The following MGAT4C variants were observed in gnomAD, a reference collection of about 807,000 sequenced individuals.
MGAT4C encodes the protein alpha-1,3-mannosyl-glycoprotein 4-beta-N-acetylglucosaminyltransferase C.
A neutral mutation model predicts 40.1 loss-of-function variants in MGAT4C; 19 were observed. The ratio of observed to expected loss-of-function variants is 0.47; its 90% CI spans 0.33 to 0.70. MGAT4C has a LOEUF of 0.70. MGAT4C is among the 30% of genes least tolerant of loss of function. The pLI is 0.02. For synonymous variants in MGAT4C, 181 were observed against 187.1 expected (o/e 0.97, Z 0.27); for missense variants, 491 against 563.2 (o/e 0.87, Z 1.30).
At chr12:86,126,910 G>A (rs1224587732) in intron 1 of MGAT4C, among the ~76,000 whole-genome samples, 2 of 152,120 alleles carry the variant, frequency 1.3e-5, no homozygotes, top group Non-Finnish European at 2.9e-5. Flanking sequence ...ATAAAGCGGG[G>A]ATGGTTTCAG....
intron 2 of MGAT4C, among the ~76,000 whole-genome samples, chr12:86,508,914 T>G (rs1958520858): frequency 6.6e-6 from 1 of 151,120 alleles, no homozygotes; most frequent in South Asian, 2.1e-4. Flanking sequence ...TTGTTTGTTT[T>G]TTTCTTGTAA....
chr12:86,364,696 A>G (rs1955554495), intron 3 of MGAT4C, among the ~76,000 whole-genome samples: 1 of 152,120 alleles, frequency 6.6e-6, no homozygotes, highest in Admixed American at 6.5e-5. Flanking sequence ...GAAATTTTAA[A>G]GCTGGGTGTC....
intron 1 of MGAT4C, among the ~76,000 whole-genome samples, chr12:86,205,574 T>A (rs1950219003): frequency 6.6e-6 from 1 of 151,842 alleles, no homozygotes; most frequent in South Asian, 2.1e-4. Context: ...GCTAACAGAT[T>A]TTTAAATATT....
intron 2 of MGAT4C, among the ~76,000 whole-genome samples, chr12:86,492,988 A>T (rs10776979): frequency 0.65 from 98,658 of 150,664 alleles, 33,088 homozygotes; most frequent in South Asian, 0.79. Flanking sequence ...TGGGTGAAGG[A>T]CATGAACAGA....
intron 1 of MGAT4C, among the ~76,000 whole-genome samples, chr12:86,736,693 T>C (rs1243395202): frequency 6.6e-6 from 1 of 151,798 alleles, no homozygotes; most frequent in Admixed American, 6.6e-5. Context: ...TTCTGTACTA[T>C]GTCCTCTTGC....
At chr12:86,435,165 A>G (rs946925670) in exon 3 of MGAT4C, 12 of 152,002 alleles carry the variant, frequency 7.9e-5, no homozygotes, top group African/African-American at 2.9e-4. Flanking sequence ...ACCAGAGTGG[A>G]TAAAGCTTCA....
chr12:85,962,359 A>C lies in MGAT4C; in HGVS notation c.*16930T>G, dbSNP rs1316071845. 6.6e-6 allele frequency: 1 copy of C among 150,410 alleles called. No individual in the cohort carries two copies. The highest frequency in any genetic ancestry group is 6.6e-5 in the Admixed American group (1 of 15,048). 9.3% of individuals were successfully genotyped at this position (150,410 alleles called of 1,614,324 possible). A position where few individuals can be genotyped will look rare whatever the true frequency, so the allele number is the denominator to read the frequency against. The stretch of plus-strand genomic sequence containing the variant: ...TTTTGATTCAAATGTCTAAAGGCTA[A>C]ACCAGAGCAATTTACAACATCCAAT... On this transcript the variant is annotated 3_prime_UTR_variant, in exon 5 of 5. Transcript: ENST00000611864.
At chr12:86,055,522 C>T (rs1893298202) in intron 1 of MGAT4C, among the ~76,000 whole-genome samples, 1 of 151,958 alleles carries the variant, frequency 6.6e-6, no homozygotes, top group Admixed American at 6.6e-5. Flanking sequence ...GATGATGGAG[C>T]TTAGAATGAC....
At chr12:86,611,727 T>A (rs529121105) in intron 2 of MGAT4C, among the ~76,000 whole-genome samples, 25 of 152,322 alleles carry the variant, frequency 1.6e-4, no homozygotes, top group Non-Finnish European at 2.9e-4. Context: ...AATCTTTTTA[T>A]AACAAATTTA....
chr12:86,360,002 C>A (rs956046415), intron 3 of MGAT4C, among the ~76,000 whole-genome samples: 1 of 152,104 alleles, frequency 6.6e-6, no homozygotes, highest in East Asian at 1.9e-4. Flanking sequence ...CATCCTGATA[C>A]CAAAGCTGGG....
intron 2 of MGAT4C, among the ~76,000 whole-genome samples, chr12:86,528,732 T>C (rs1958927411): frequency 6.6e-6 from 1 of 152,110 alleles, no homozygotes; most frequent in South Asian, 2.1e-4. Flanking sequence ...TTCTTAATGA[T>C]TTAAGACTTT....
At chr12:86,387,801 A>G (rs1956082924) in intron 3 of MGAT4C, among the ~76,000 whole-genome samples, 1 of 152,152 alleles carries the variant, frequency 6.6e-6, no homozygotes, top group South Asian at 2.1e-4. Context: ...AGTTAATGAT[A>G]TTTTATTGCA....
At chr12:86,263,061 C>T (rs1398761885) in intron 4 of MGAT4C, among the ~76,000 whole-genome samples, 1 of 152,012 alleles carries the variant, frequency 6.6e-6, no homozygotes, top group African/African-American at 2.4e-5. Context: ...ATGTAACTTA[C>T]ATTTCTTTTT....
chr12:86,616,688 A>G (rs1159292), intron 2 of MGAT4C, among the ~76,000 whole-genome samples: 145,066 of 151,834 alleles, frequency 0.96, 69,537 homozygotes, highest in Non-Finnish European at 1. Flanking sequence ...ACTTTCATCA[A>G]AGTTAACAGG....
intron 2 of MGAT4C, among the ~76,000 whole-genome samples, chr12:86,570,675 T>C (rs1405695351): frequency 6.6e-6 from 1 of 152,098 alleles, no homozygotes; most frequent in Non-Finnish European, 1.5e-5. Flanking sequence ...AGGACAATGG[T>C]CTAGGCAAAT....
chr12:86,817,950 T>A (rs912727779), intron 1 of MGAT4C, among the ~76,000 whole-genome samples: 5 of 151,374 alleles, frequency 3.3e-5, no homozygotes, highest in Admixed American at 2.0e-4. Flanking sequence ...ATTCTTATTT[T>A]AAAAAACAAA....
chr12:86,169,055 CT>C (rs1566082414), intron 1 of MGAT4C, among the ~76,000 whole-genome samples: 2 of 152,050 alleles, frequency 1.3e-5, no homozygotes, highest in East Asian at 3.9e-4. Flanking sequence ...GTCAAAGTCT[CT>C]TGATAAATTC....
intron 1 of MGAT4C, among the ~76,000 whole-genome samples, chr12:86,824,180 C>T (rs1365358804): frequency 6.6e-6 from 1 of 151,104 alleles, no homozygotes; most frequent in African/African-American, 2.4e-5. Flanking sequence ...TCAGATTGAC[C>T]CTGGCATATT....
At chr12:86,751,701 C>T (rs1951233612) in intron 1 of MGAT4C, among the ~76,000 whole-genome samples, 1 of 151,982 alleles carries the variant, frequency 6.6e-6, no homozygotes, top group African/African-American at 2.4e-5. Flanking sequence ...AAATTCAAAG[C>T]ACATTGCTTA....
Sources: allele counts gnomAD v4.1 joint callset (sites outside exome capture counted in the v4.1 genomes callset), GRCh38; gene constraint gnomAD v4.1.1; transcripts MANE v1.5; gene names NCBI Gene and HGNC (gene_info 2026-07-23, HGNC 2026-07-21).